The following PHLDB2 variants were observed in gnomAD, a reference collection of about 807,000 sequenced individuals.
PHLDB2 encodes pleckstrin homology like domain family B member 2.
In PHLDB2, 71 loss-of-function variants were observed where a neutral mutation model predicts 123.6. The ratio of observed to expected loss-of-function variants is 0.57; its 90% CI spans 0.47 to 0.70. The LOEUF (loss-of-function observed/expected upper bound fraction) is 0.70. Among genes scored for constraint, PHLDB2 ranks in the 30% least tolerant of loss-of-function variants. The pLI is 0.00. For missense variants in PHLDB2, 1,446 were observed against 1,519.5 expected (o/e 0.95, Z 0.80); for synonymous variants, 547 against 541.6 (o/e 1.01, Z -0.14).
At chr3:111,956,284 G>T (rs1477657365) in intron 12 of PHLDB2, among the ~76,000 whole-genome samples, 2 of 152,184 alleles carry the variant, frequency 1.3e-5, no homozygotes, top group African/African-American at 4.8e-5. Context: ...AAACTCAAGA[G>T]CCATTAACAT....
At chr3:111,885,775 A>C in intron 2 of PHLDB2, 1 of 591,310 alleles carries the variant, frequency 1.7e-6, no homozygotes, top group Non-Finnish European at 3.0e-6. Flanking sequence ...TTATATCATT[A>C]AATTTGCTTG....
intron 10 of PHLDB2, 124 bp downstream of exon 10, chr3:111,949,199 G>A (rs2070533249): frequency 9.1e-7 from 1 of 1,100,656 alleles, no homozygotes; most frequent in East Asian, 2.6e-5. Context: ...TGGCCAGAGG[G>A]GTAGGGTAAG....
chr3:111,807,946 G>GTTT (rs11418818), intron 1 of PHLDB2, among the ~76,000 whole-genome samples: 1,053 of 86,288 alleles, frequency 0.012, 24 homozygotes, highest in African/African-American at 0.037. Flanking sequence ...TAAGCTGGGT[G>GTTT]TTTTTTTTTT....
At chr3:111,737,734 G>A (rs1296962205) in intron 1 of PHLDB2, among the ~76,000 whole-genome samples, 1 of 151,704 alleles carries the variant, frequency 6.6e-6, no homozygotes, top group Non-Finnish European at 1.5e-5. Context: ...ACTTCCTGCA[G>A]AGAACTCTAA....
chr3:111,739,598 A>AAAC (rs2059567711), intron 1 of PHLDB2, among the ~76,000 whole-genome samples: 1 of 73,062 alleles, frequency 1.4e-5, no homozygotes, highest in African/African-American at 3.4e-5. Flanking sequence ...CAAAACAAAC[A>AAAC]AAAAAAAAAA....
chr3:111,908,543 T>A (rs537985066), intron 2 of PHLDB2, among the ~76,000 whole-genome samples: 2 of 152,310 alleles, frequency 1.3e-5, no homozygotes, highest in East Asian at 3.9e-4. Context: ...CACTCTGCCA[T>A]GTTAGAGCAA....
At chr3:111,762,046 C>T (rs1375019941) in intron 1 of PHLDB2, among the ~76,000 whole-genome samples, 1 of 152,014 alleles carries the variant, frequency 6.6e-6, no homozygotes. Context: ...AAAGGGATGC[C>T]CCCCCAATCC....
intron 5 of PHLDB2, among the ~76,000 whole-genome samples, chr3:111,922,870 G>T (rs2068599934): frequency 6.6e-6 from 1 of 151,976 alleles, no homozygotes; most frequent in Non-Finnish European, 1.5e-5. Context: ...AATGAAGGCG[G>T]GGTTCCCTCC....
At chr3:111,857,229 A>C (rs1188407911), upstream of PHLDB2, among the ~76,000 whole-genome samples, 4 of 152,170 alleles carry the variant, frequency 2.6e-5, no homozygotes, top group African/African-American at 9.6e-5. Flanking sequence ...AGGCAGACAG[A>C]TCGCTTGAGC....
intron 1 of PHLDB2, among the ~76,000 whole-genome samples, chr3:111,740,926 G>A (rs1246298220): frequency 6.6e-6 from 1 of 151,664 alleles, no homozygotes. Context: ...AAACAGTGGG[G>A]AGAGGAGAGG....
intron 2 of PHLDB2, among the ~76,000 whole-genome samples, chr3:111,904,290 G>T (rs867371362): frequency 2.4e-5 from 1 of 41,146 alleles, no homozygotes; most frequent in Non-Finnish European, 5.6e-5. Flanking sequence ...AAAAAAAAAA[G>T]GCCAAGGGTT....
At chr3:111,773,503 T>C (rs994732233) in intron 1 of PHLDB2, among the ~76,000 whole-genome samples, 1 of 152,218 alleles carries the variant, frequency 6.6e-6, no homozygotes, top group African/African-American at 2.4e-5. Flanking sequence ...TTCTGATAGC[T>C]GTAGCAAAAT....
intron 1 of PHLDB2, among the ~76,000 whole-genome samples, chr3:111,881,926 T>C (rs116055558): frequency 9.2e-5 from 14 of 152,296 alleles, no homozygotes; most frequent in East Asian, 5.8e-4. Context: ...AAGAGTCAAC[T>C]GAATAAGAAA....
chr3:111,788,024 G>A (rs941106545), intron 1 of PHLDB2, among the ~76,000 whole-genome samples: 3 of 152,140 alleles, frequency 2.0e-5, no homozygotes, highest in Non-Finnish European at 2.9e-5. Flanking sequence ...ATTGGAAACA[G>A]GTCAAGACTC....
At chr3:111,785,657 A>G (rs1361965556) in intron 1 of PHLDB2, among the ~76,000 whole-genome samples, 1 of 152,156 alleles carries the variant, frequency 6.6e-6, no homozygotes, top group African/African-American at 2.4e-5. Context: ...AACAAGAAGC[A>G]TTAGAGAGGC....
chr3:111,933,159 C>T (rs2069241587), intron 6 of PHLDB2, among the ~76,000 whole-genome samples: 1 of 152,190 alleles, frequency 6.6e-6, no homozygotes, highest in Admixed American at 6.5e-5. Context: ...GCAACTGGGT[C>T]ATTTCCTTTG....
At chr3:111,740,131 T>C (rs1456655946) in intron 1 of PHLDB2, among the ~76,000 whole-genome samples, 2 of 152,072 alleles carry the variant, frequency 1.3e-5, no homozygotes, top group Admixed American at 1.3e-4. Context: ...GACATTTCAG[T>C]AAATAAAGTG....
At chr3:111,804,126 G>A (rs762806976) in intron 1 of PHLDB2, among the ~76,000 whole-genome samples, 1 of 152,092 alleles carries the variant, frequency 6.6e-6, no homozygotes, top group Non-Finnish European at 1.5e-5. Context: ...ACACCATTAT[G>A]TTGTTTGTGA....
At chr3:111,929,693 G>T (rs188380113) in intron 5 of PHLDB2, among the ~76,000 whole-genome samples, 19 of 152,212 alleles carry the variant, frequency 1.2e-4, no homozygotes, top group Admixed American at 1.2e-3. Flanking sequence ...CCTGCCACTG[G>T]TCTTCTTTCA....
Sources: gnomAD v4.1 joint callset for allele counts (sites outside exome capture counted in the v4.1 genomes callset) on GRCh38, gnomAD v4.1.1 for gene constraint, MANE v1.5 for transcripts, NCBI Gene and HGNC (gene_info 2026-07-23, HGNC 2026-07-21) for gene names.